The following SCHIP1 variants were observed in gnomAD, a reference collection of about 807,000 sequenced individuals.
SCHIP1 encodes schwannomin interacting protein 1, also known as schwannomin-interacting protein 1.
A neutral mutation model predicts 29.7 loss-of-function variants in SCHIP1; 8 were observed. The observed-to-expected ratio is 0.27, with a 90% confidence interval of 0.16 to 0.49. The LOEUF is 0.49. Ranked by LOEUF, SCHIP1 falls within the 20% of genes least tolerant of loss-of-function variation. The pLI, the probability that SCHIP1 is intolerant of heterozygous loss-of-function variation, is 0.99. For synonymous variants in SCHIP1, 76 were observed against 94.9 expected (o/e 0.80, Z 1.16); for missense variants, 193 against 294.6 (o/e 0.66, Z 2.52).
At chr3:159,545,978 C>A in the SCHIP1 span, among the ~76,000 whole-genome samples, 1 of 151,950 alleles carries the variant, frequency 6.6e-6, no homozygotes, top group South Asian at 2.1e-4. Context: ...AGAGGTGTTA[C>A]ATATTTTATA....
At chr3:159,764,500 A>C in the SCHIP1 span, 39 of 1,584,788 alleles carry the variant, frequency 2.5e-5, no homozygotes, top group Admixed American at 6.1e-4. This position sits in a 1 kb window ranked among gnomAD's most constrained non-coding sequence, Gnocchi z 6.1. Flanking sequence ...CAGCAGCAGC[A>C]GCCGCGCCAG....
chr3:159,719,296 G>T, the SCHIP1 span, among the ~76,000 whole-genome samples: 2 of 152,124 alleles, frequency 1.3e-5, no homozygotes, highest in Non-Finnish European at 2.9e-5. Context: ...GAAAACCTAG[G>T]CAATACCATT....
the SCHIP1 span, among the ~76,000 whole-genome samples, chr3:159,776,940 G>A: frequency 6.6e-6 from 1 of 152,184 alleles, no homozygotes; most frequent in Non-Finnish European, 1.5e-5. Context: ...CCCAGTGGGA[G>A]AGGACCATGG....
chr3:159,548,502 T>C, the SCHIP1 span, among the ~76,000 whole-genome samples: 1 of 151,912 alleles, frequency 6.6e-6, no homozygotes, highest in Non-Finnish European at 1.5e-5. Flanking sequence ...CATTTTTTTC[T>C]TTACCTCAAT....
At chr3:159,644,500 T>C in the SCHIP1 span, among the ~76,000 whole-genome samples, 7 of 152,108 alleles carry the variant, frequency 4.6e-5, no homozygotes, top group Admixed American at 3.9e-4. Flanking sequence ...TTCTTCTTGA[T>C]CCTTTTCTCT....
the SCHIP1 span, among the ~76,000 whole-genome samples, chr3:159,299,935 G>T: frequency 6.6e-5 from 10 of 152,004 alleles, no homozygotes; most frequent in African/African-American, 2.4e-4. Context: ...GTCCTGTCTG[G>T]CTATGTCATT....
the SCHIP1 span, among the ~76,000 whole-genome samples, chr3:159,580,106 T>C: frequency 6.6e-6 from 1 of 152,182 alleles, no homozygotes; most frequent in Non-Finnish European, 1.5e-5. Context: ...TTTAAGATTC[T>C]GTTATGGTGT....
At chr3:159,323,688 G>A in the SCHIP1 span, among the ~76,000 whole-genome samples, 1 of 152,190 alleles carries the variant, frequency 6.6e-6, no homozygotes. Flanking sequence ...AAAAGCAAAG[G>A]CTATGTATTC....
At chr3:159,341,113 G>A in the SCHIP1 span, among the ~76,000 whole-genome samples, 1 of 151,960 alleles carries the variant, frequency 6.6e-6, no homozygotes. Flanking sequence ...CAGCTGGCAT[G>A]ATTTTGAGTC....
At chr3:159,845,087 C>T (rs116224965) in intron 1 of SCHIP1, among the ~76,000 whole-genome samples, 465 of 152,288 alleles carry the variant, frequency 3.1e-3, no homozygotes, top group African/African-American at 0.01. Flanking sequence ...TTTCTGACCC[C>T]TAGGCAGAAA....
At chr3:159,857,568 C>T (rs757211304) in intron 1 of SCHIP1, among the ~76,000 whole-genome samples, 10 of 152,210 alleles carry the variant, frequency 6.6e-5, no homozygotes, top group South Asian at 2.1e-4. Context: ...AAAGAAACCC[C>T]GTACCCATCA....
At chr3:159,840,640 AATAG>A (rs1405874293) in intron 1 of SCHIP1, among the ~76,000 whole-genome samples, 6 of 152,224 alleles carry the variant, frequency 3.9e-5, no homozygotes, top group Non-Finnish European at 7.3e-5. Flanking sequence ...AAATTATGTA[AATAG>A]ATAGTCGCGA....
At chr3:159,506,328 G>C in the SCHIP1 span, among the ~76,000 whole-genome samples, 1 of 152,092 alleles carries the variant, frequency 6.6e-6, no homozygotes, top group Non-Finnish European at 1.5e-5. Flanking sequence ...TTTATTTCTT[G>C]TAAATTTGTT....
the SCHIP1 span, among the ~76,000 whole-genome samples, chr3:159,570,156 C>T: frequency 6.6e-6 from 1 of 152,136 alleles, no homozygotes; most frequent in Non-Finnish European, 1.5e-5. Flanking sequence ...AATTAGATCC[C>T]ATTTGTCTAT....
the SCHIP1 span, among the ~76,000 whole-genome samples, chr3:159,405,956 TA>T: frequency 6.6e-6 from 1 of 150,898 alleles, no homozygotes; most frequent in South Asian, 2.1e-4. Flanking sequence ...AAAACGTGCC[TA>T]AAAAATCTAG....
the SCHIP1 span, among the ~76,000 whole-genome samples, chr3:159,545,784 C>T: frequency 6.7e-6 from 1 of 149,846 alleles, no homozygotes; most frequent in African/African-American, 2.4e-5. Flanking sequence ...TTAGTCCTGT[C>T]CCTCTGTTGG....
chr3:159,348,845 A>C, the SCHIP1 span, among the ~76,000 whole-genome samples: 35 of 152,322 alleles, frequency 2.3e-4, no homozygotes, highest in South Asian at 1.4e-3. Context: ...ACCTATTTTG[A>C]ACTGTCCTGG....
At chr3:159,301,074 G>T in the SCHIP1 span, among the ~76,000 whole-genome samples, 1 of 152,136 alleles carries the variant, frequency 6.6e-6, no homozygotes, top group Non-Finnish European at 1.5e-5. Context: ...CATATTGATA[G>T]TACATAGTAC....
chr3:159,753,380 A>G, the SCHIP1 span, among the ~76,000 whole-genome samples: 1 of 152,072 alleles, frequency 6.6e-6, no homozygotes, highest in African/African-American at 2.4e-5. Context: ...TTTCTCCCCT[A>G]CCAAAACCTT....
Sources: gnomAD v4.1 joint callset for allele counts (sites outside exome capture counted in the v4.1 genomes callset) on GRCh38, gnomAD v4.1.1 for gene constraint, Gnocchi (gnomAD v3.1) non-coding constraint, MANE v1.5 for transcripts, NCBI Gene and HGNC (gene_info 2026-07-23, HGNC 2026-07-21) for gene names.